Variants in SPNS3 observed in about 807,000 individuals in gnomAD.
SPNS3 encodes protein spinster homolog 3.
Under a neutral mutation model 54.4 loss-of-function variants are expected in SPNS3, and 51 were observed. The observed-to-expected ratio is 0.94, with a 90% CI of 0.75 to 1.18. The LOEUF is 1.18. Among genes scored for constraint, SPNS3 ranks in the 50% most tolerant of loss-of-function variants. SPNS3 has a pLI of 0.00. For synonymous variants in SPNS3, 309 were observed against 294.7 expected, an observed-to-expected ratio of 1.05 and a Z score of -0.50; for missense variants, 669 against 677.4, an observed-to-expected ratio of 0.99 and a Z score of 0.14.
At position 4,434,165 on chromosome 17, in the gene SPNS3, A is replaced by G; in HGVS notation, c.198A>G (p.Ala66=). ...LLNYMNWFII[A]GVLLDIQEVF... ...ATTACATGAACTGGTTCATCATTGC[A>G]GGTGAGGAGGGGATGGCTACCCTGG... The change falls in exon 1 of 12, where the codon GCA becomes GCG. Residue 66 remains alanine (A), a splice_region_variant and synonymous_variant. Transcript: ENST00000355530. 6.2e-7 allele frequency: 1 copy of G among 1,607,366 alleles called. No individual in the cohort carries two copies. The highest frequency in any genetic ancestry group is 8.5e-7 in the Non-Finnish European group (1 of 1,176,514).
rs773830914 is a variant in SPNS3, at chr17:4,448,192, T to C, written c.659T>C (p.Leu220Pro). Residue 220 changes from leucine (L) to proline (P), a missense_variant, in exon 6 of 12, where the codon CTT (leucine) becomes CCT (proline). Leu to Pro is a moderately conservative substitution (Grantham distance 98). Transcript: ENST00000355530. The part of the protein sequence containing the change: ...PCLEAVALIL[L>P]ILLVPDPPRG... ...CTGGAGGCCGTGGCCTTGATCCTGC[T>C]TATCCTGCTGGTTCCAGACCCACCC... The C allele has an allele frequency of 3.1e-6, 5 of 1,604,430 alleles. No individual in the cohort carries two copies. The South Asian group carries it at 5.6e-5, about 18-fold the overall frequency.
chr17:4,462,856 C>CCAGT, intron 8 of SPNS3, among the ~76,000 whole-genome samples: 1 of 67,798 alleles, frequency 1.5e-5, no homozygotes, highest in South Asian at 6.9e-4. Context: ...CACCCACCCA[C>CCAGT]CCACCCACCC....
intron 8 of SPNS3, among the ~76,000 whole-genome samples, chr17:4,461,770 C>T (rs957371681): frequency 2.0e-5 from 3 of 151,918 alleles, no homozygotes; most frequent in African/African-American, 4.8e-5. Flanking sequence ...CAGCTGGAAC[C>T]GGGGAGGGCC....
chr17:4,484,678 C>T (rs1462436857), intron 9 of SPNS3, among the ~76,000 whole-genome samples: 1 of 152,040 alleles, frequency 6.6e-6, no homozygotes, highest in African/African-American at 2.4e-5. Context: ...GGATACGGCT[C>T]CAGGGTGTAA....
chr17:4,438,197 G>A (rs1317034566), intron 1 of SPNS3, among the ~76,000 whole-genome samples: 1 of 152,182 alleles, frequency 6.6e-6, no homozygotes, highest in East Asian at 1.9e-4. Flanking sequence ...TTTCTGCGGG[G>A]ACCCACTTGG....
intron 8 of SPNS3, among the ~76,000 whole-genome samples, chr17:4,476,025 C>T (rs887517350): frequency 6.6e-6 from 1 of 152,160 alleles, no homozygotes; most frequent in South Asian, 2.1e-4. Context: ...GGCCCAGAGG[C>T]GGGGACCACC....
At chr17:4,485,615 T>G (rs1187158030) in intron 9 of SPNS3, among the ~76,000 whole-genome samples, 2 of 152,162 alleles carry the variant, frequency 1.3e-5, no homozygotes, top group African/African-American at 4.8e-5. Context: ...AGGCTGGTCT[T>G]GACCTCCTGA....
At position 4,434,058 on chromosome 17, in the gene SPNS3, C is replaced by G; in HGVS notation, c.91C>G (p.Pro31Ala). ...AGGGCCAGGCAGGCAGTGTCCCCCT[C>G]CCATCACGCCCACCTCCTGGAGCCT... Reference protein sequence around the residue: ...SPGPGRQCPPPITPTSWSLPP... With the variant: ...SPGPGRQCPPAITPTSWSLPP... Residue 31 changes from proline (P) to alanine (A), a missense_variant, in exon 1 of 12, where the codon CCC (proline) becomes GCC (alanine). Physicochemically the swap from Pro to Ala is conservative, Grantham distance 27 (BLOSUM62 -1). Coordinates refer to ENST00000355530, the MANE Select transcript of SPNS3 (RefSeq NM_182538.5). 1.2e-6 allele frequency: 2 copies of G among 1,610,728 alleles called. No individual in the cohort carries two copies. The highest frequency in any genetic ancestry group is 1.7e-6 in the Non-Finnish European group (2 of 1,178,578).
At chr17:4,450,569 A>G (rs112849035) in intron 7 of SPNS3, among the ~76,000 whole-genome samples, 11 of 151,454 alleles carry the variant, frequency 7.3e-5, no homozygotes, top group African/African-American at 2.7e-4. Context: ...ACACGCCACC[A>G]TGCCTGGCTA....
intron 4 of SPNS3, chr17:4,446,489 A>G (rs1373113862): frequency 6.3e-6 from 3 of 476,340 alleles, no homozygotes; most frequent in South Asian, 3.1e-5. Flanking sequence ...AGGGCCGGCT[A>G]TGGGAGGTAA....
At chr17:4,473,653 GC>G (rs1015721029) in intron 8 of SPNS3, among the ~76,000 whole-genome samples, 4 of 152,148 alleles carry the variant, frequency 2.6e-5, no homozygotes, top group African/African-American at 9.7e-5. Context: ...TTCCCAAAGT[GC>G]TGGGATTACA....
intron 9 of SPNS3, among the ~76,000 whole-genome samples, chr17:4,478,840 A>G (rs1276438927): frequency 6.6e-6 from 1 of 152,170 alleles, no homozygotes; most frequent in Non-Finnish European, 1.5e-5. Flanking sequence ...AGATGAACAA[A>G]TGGAGGTTCA....
At position 4,486,667 on chromosome 17, in the gene SPNS3, A is replaced by C. The variant is rs1457614532; in HGVS notation, c.1450+84A>C. ...CTGGCCACCCCCTGAATCCCTGGCC[A>C]GTTTGTTTGTTCATTCATCCAGAAA... On this transcript the variant is annotated intron_variant, in intron 11 of 11. Coordinates refer to ENST00000355530, the MANE Select transcript of SPNS3 (RefSeq NM_182538.5). The surrounding 1 kb of genome is among the most constrained non-coding windows in gnomAD (Gnocchi z 5.5). The C allele has an allele frequency of 7.1e-7, 1 of 1,409,600 alleles. No homozygotes were observed. The highest frequency in any genetic ancestry group is 9.6e-7 in the Non-Finnish European group (1 of 1,043,546). The allele number at this position is 1,409,600 out of a possible 1,614,324, so 87.3% of individuals were successfully genotyped here.
chr17:4,460,055 A>G (rs143734234), intron 8 of SPNS3, among the ~76,000 whole-genome samples: 35 of 152,262 alleles, frequency 2.3e-4, no homozygotes, highest in African/African-American at 7.7e-4. Context: ...TCGGGGGAAC[A>G]GTGTTCCAGG....
chr17:4,457,687 T>C (rs1188948979), intron 8 of SPNS3, among the ~76,000 whole-genome samples: 11 of 152,196 alleles, frequency 7.2e-5, no homozygotes, highest in South Asian at 6.2e-4. Flanking sequence ...CTTCTGCCAC[T>C]GTCTTGGTTG....
chr17:4,453,446 G>A (rs1971223353), intron 8 of SPNS3, among the ~76,000 whole-genome samples: 1 of 152,142 alleles, frequency 6.6e-6, no homozygotes, highest in Non-Finnish European at 1.5e-5. Context: ...GTGAAACCCT[G>A]TCTCTACTAA....
At chr17:4,434,645 C>T (rs186103539) in intron 1 of SPNS3, among the ~76,000 whole-genome samples, 18,019 of 150,160 alleles carry the variant, frequency 0.12, 1,396 homozygotes, top group Non-Finnish European at 0.18. Context: ...TACAGGCGTG[C>T]ACCACCACAT....
chr17:4,472,597 T>C (rs1353351430), intron 8 of SPNS3, among the ~76,000 whole-genome samples: 1 of 152,144 alleles, frequency 6.6e-6, no homozygotes, highest in Non-Finnish European at 1.5e-5. Flanking sequence ...GGAGCCATTG[T>C]TGGCTTTCTC....
chr17:4,468,196 G>A (rs751148006), intron 8 of SPNS3, among the ~76,000 whole-genome samples: 36 of 152,126 alleles, frequency 2.4e-4, no homozygotes, highest in Non-Finnish European at 3.7e-4. Flanking sequence ...ATCCTAGCAC[G>A]TTGGGCAGCT....
Sources: allele counts gnomAD v4.1 joint callset (sites outside exome capture counted in the v4.1 genomes callset), GRCh38; gene constraint gnomAD v4.1.1; non-coding constraint Gnocchi (gnomAD v3.1); transcripts MANE v1.5; gene names NCBI Gene and HGNC (gene_info 2026-07-23, HGNC 2026-07-21).